The following CPNE8 variants were observed in gnomAD, a reference collection of about 807,000 sequenced individuals.
CPNE8 encodes copine 8.
A neutral mutation model predicts 81.5 loss-of-function variants in CPNE8; 45 were observed. That is an observed-to-expected ratio of 0.55 (90% confidence interval 0.44 to 0.71). The LOEUF is 0.71. Among genes scored for constraint, CPNE8 ranks in the 30% least tolerant of loss-of-function variants. The pLI is 0.00. For synonymous variants in CPNE8, 252 were observed against 226.3 expected, an observed-to-expected ratio of 1.11 and a Z score of -1.02; for missense variants, 594 against 672.1, an observed-to-expected ratio of 0.88 and a Z score of 1.28.
rs1344507677 is a variant in CPNE8 at position 38,806,245 on chromosome 12, T to C, written c.407+23134A>G. ...AGAAAAAGAGGGAATCCTCCCTAAC[T>C]CATTTGATGAGGCCAGCATCATCCT... On this transcript the variant is annotated intron_variant, in intron 6 of 19. Coordinates refer to ENST00000331366, the MANE Select transcript of CPNE8 (RefSeq NM_153634.3). 6.7e-5 allele frequency among the ~76,000 whole-genome samples: 10 copies of C among 150,246 alleles called. 2 individuals carry two copies. The East Asian group carries it at 2.0e-3, about 30-fold the overall frequency.
chr12:38,694,816 C>A (rs1233787838), intron 14 of CPNE8, among the ~76,000 whole-genome samples: 3 of 152,070 alleles, frequency 2.0e-5, no homozygotes, highest in Non-Finnish European at 2.9e-5. Context: ...TACGTTAAAG[C>A]ATTGTCTGAA....
intron 1 of CPNE8, among the ~76,000 whole-genome samples, chr12:38,896,458 T>C (rs1944390515): frequency 6.6e-6 from 1 of 152,148 alleles, no homozygotes; most frequent in Non-Finnish European, 1.5e-5. Context: ...TCCTATTTTA[T>C]TACAGGCAAT....
chr12:38,731,781 T>A (rs1211234065), intron 10 of CPNE8, among the ~76,000 whole-genome samples: 1 of 151,942 alleles, frequency 6.6e-6, no homozygotes, highest in Non-Finnish European at 1.5e-5. Flanking sequence ...ACTTTAGTGT[T>A]ACACACTACT....
At chr12:38,852,098 C>T (rs1483650663) in intron 3 of CPNE8, among the ~76,000 whole-genome samples, 1 of 152,090 alleles carries the variant, frequency 6.6e-6, no homozygotes, top group South Asian at 2.1e-4. Flanking sequence ...CTGTCTTCCC[C>T]CTTAATAAAA....
At chr12:38,701,980 G>A in intron 14 of CPNE8, among the ~76,000 whole-genome samples, 1 of 152,058 alleles carries the variant, frequency 6.6e-6, no homozygotes, top group East Asian at 1.9e-4. Context: ...ATATTTCCTG[G>A]ATCTGAATGT....
intron 4 of CPNE8, among the ~76,000 whole-genome samples, chr12:38,842,343 A>G (rs1384855070): frequency 4.6e-5 from 7 of 152,146 alleles, no homozygotes; most frequent in Non-Finnish European, 1.5e-5. Context: ...ATCTTCTAAA[A>G]AGAACCGAGT....
chr12:38,702,736 AAG>A (rs1939977693), intron 14 of CPNE8, 137 bp downstream of exon 14: 1 of 475,776 alleles, frequency 2.1e-6, no homozygotes, highest in South Asian at 5.8e-5. Flanking sequence ...ATTAAAAAGA[AAG>A]AAAAAATTAT....
intron 6 of CPNE8, among the ~76,000 whole-genome samples, chr12:38,817,218 G>T (rs904575183): frequency 6.6e-6 from 1 of 152,130 alleles, no homozygotes; most frequent in African/African-American, 2.4e-5. Flanking sequence ...ACACTGTGAA[G>T]TTTTCTTGTT....
chr12:38,864,402 A>G (rs1943886416), intron 3 of CPNE8, among the ~76,000 whole-genome samples: 1 of 152,006 alleles, frequency 6.6e-6, no homozygotes, highest in Non-Finnish European at 1.5e-5. Context: ...CCTGGCTCCT[A>G]TTTACGTTTG....
chr12:38,678,313 G>A (rs949679792), intron 16 of CPNE8, among the ~76,000 whole-genome samples: 4 of 151,852 alleles, frequency 2.6e-5, no homozygotes, highest in Non-Finnish European at 5.9e-5. Context: ...GTAATTTAGA[G>A]GGGAATTTTA....
intron 8 of CPNE8, 34 bp downstream of exon 8, chr12:38,767,601 C>A: frequency 1.6e-6 from 2 of 1,218,276 alleles, no homozygotes; most frequent in Non-Finnish European, 2.3e-6. Flanking sequence ...ATCATCATTA[C>A]CATATAGTTG....
At chr12:38,841,729 T>G (rs1384425767) in intron 4 of CPNE8, among the ~76,000 whole-genome samples, 2 of 152,174 alleles carry the variant, frequency 1.3e-5, no homozygotes, top group Non-Finnish European at 2.9e-5. Context: ...GAACCAAAAC[T>G]GGCAATACAT....
intron 4 of CPNE8, among the ~76,000 whole-genome samples, chr12:38,845,660 A>C (rs1414973894): frequency 1.3e-5 from 2 of 152,126 alleles, no homozygotes; most frequent in Non-Finnish European, 2.9e-5. Context: ...ACTTATGTAG[A>C]TATCCTGAAG....
chr12:38,867,282 C>T (rs1279541501), intron 3 of CPNE8, among the ~76,000 whole-genome samples: 1 of 145,500 alleles, frequency 6.9e-6, no homozygotes, highest in African/African-American at 2.6e-5. Flanking sequence ...ACAAAAAAGT[C>T]CTTGATGTTT....
At chr12:38,808,366 A>G (rs1307527957) in intron 6 of CPNE8, among the ~76,000 whole-genome samples, 2 of 152,118 alleles carry the variant, frequency 1.3e-5, no homozygotes, top group Non-Finnish European at 2.9e-5. Flanking sequence ...AATGTCCAAC[A>G]ACGATAGACT....
intron 1 of CPNE8, among the ~76,000 whole-genome samples, chr12:38,885,310 G>A (rs938856462): frequency 3.3e-5 from 5 of 152,058 alleles, no homozygotes; most frequent in Admixed American, 6.6e-5. Context: ...AAAGAAAAAT[G>A]ACTTAAAGAA....
chr12:38,719,047 A>C (rs1016084290), intron 13 of CPNE8, among the ~76,000 whole-genome samples: 1 of 152,308 alleles, frequency 6.6e-6, no homozygotes, highest in Non-Finnish European at 1.5e-5. Flanking sequence ...GATAGGTTAG[A>C]GTAAGCCTTC....
chr12:38,765,978 C>T (rs1227300558), intron 8 of CPNE8, among the ~76,000 whole-genome samples: 1 of 152,048 alleles, frequency 6.6e-6, no homozygotes, highest in East Asian at 1.9e-4. Context: ...CCTGCCTCAG[C>T]CTCCCAAGTA....
intron 19 of CPNE8, among the ~76,000 whole-genome samples, chr12:38,660,716 C>T (rs1442326960): frequency 6.6e-6 from 1 of 152,122 alleles, no homozygotes; most frequent in African/African-American, 2.4e-5. Context: ...ATCTACCCAT[C>T]TGACAAAGGG....
Sources: allele counts gnomAD v4.1 joint callset (sites outside exome capture counted in the v4.1 genomes callset), GRCh38; gene constraint gnomAD v4.1.1; transcripts MANE v1.5; gene names NCBI Gene and HGNC (gene_info 2026-07-23, HGNC 2026-07-21).